Variants in URB1 observed in about 807,000 individuals in gnomAD.
URB1 encodes the protein URB1 ribosome biogenesis factor.
A neutral mutation model predicts 242.3 loss-of-function variants in URB1; 197 were observed. The ratio of observed to expected loss-of-function variants is 0.81; its 90% confidence interval spans 0.72 to 0.91. URB1 has a LOEUF of 0.91. Ranked by LOEUF, URB1 falls within the 40% of genes least tolerant of loss-of-function variation. URB1 has a pLI of 0.00. For missense variants in URB1, 2,721 were observed against 2,860.5 expected (o/e 0.95, Z 1.11); for synonymous variants, 1,153 against 1,201.8 (o/e 0.96, Z 0.84).
intron 24 of URB1, among the ~76,000 whole-genome samples, chr21:32,343,068 T>C (rs2033048470): frequency 6.6e-6 from 1 of 152,124 alleles, no homozygotes; most frequent in Admixed American, 6.5e-5. Context: ...GCATGCATAA[T>C]ATCCTATTAA....
Position 32,361,897 on chromosome 21 carries a change from T to A in URB1, c.1634A>T (p.Gln545Leu). Reference sequence around the variant, plus strand: ...CCTCACCCCTGAGACCTTACCGCACTGGTGAGCATCGCAGGCAGCCGGGGG... The same window carrying A: ...CCTCACCCCTGAGACCTTACCGCACAGGTGAGCATCGCAGGCAGCCGGGGG... ...DGPPAACDAHQCDDAETILLK... is the reference protein window; with the variant it reads ...DGPPAACDAHLCDDAETILLK... Residue 545 changes from glutamine (Q) to leucine (L), a missense_variant, in exon 12 of 39, where the codon CAG (glutamine) becomes CTG (leucine). Coordinates refer to ENST00000382751, the MANE Select transcript of URB1 (RefSeq NM_014825.3). The A allele has an allele frequency of 6.4e-7, 1 of 1,551,106 alleles. No individual in the cohort carries two copies. The highest frequency in any genetic ancestry group is 1.2e-5 in the South Asian group (1 of 84,034).
intron 19 of URB1, among the ~76,000 whole-genome samples, chr21:32,351,825 G>A (rs1475915745): frequency 6.6e-6 from 1 of 152,210 alleles, no homozygotes; most frequent in Non-Finnish European, 1.5e-5. Context: ...TGTGGGGGAA[G>A]GTGGCAACAT....
chr21:32,361,176 A>AAAGAAAGAAAGAAAGAAAGAAAG, intron 12 of URB1, 53 bp from the exon 13 acceptor site: 1 of 763,322 alleles, frequency 1.3e-6, no homozygotes, highest in East Asian at 2.9e-5. Flanking sequence ...AGAAAGAAAG[A>AAAGAAAGAAAGAAAGAAAGAAAG]AAGAAAGAAA....
In URB1 at chr21:32,347,443, C is replaced by A. The variant is rs1281911951; in HGVS notation, c.3381G>T (p.Leu1127Phe). 1.9e-6 allele frequency: 3 copies of A among 1,551,130 alleles called. No individual in the cohort carries two copies. Among genetic ancestry groups the A allele is most frequent in the Non-Finnish European group, 2.6e-6 (3 of 1,146,698 alleles). The stretch of plus-strand genomic sequence containing the variant: ...CCAGGTGTGTCTCAGGCAGGCTCAG[C>A]AAGGCCAGGGTGACCTCACGGAGCT... ...GAQLREVTLA[L>F]LSLPETHLVT... Residue 1127 changes from leucine to phenylalanine, a missense_variant, in exon 22 of 39, where the codon TTG (leucine) becomes TTT (phenylalanine). Transcript: ENST00000382751.
rs74514552 is a variant in URB1 at position 32,344,744 on chromosome 21, G to C, written c.4083C>G (p.Ala1361=). ...TPSSHKRWIV[A]DSISAALEGS... Reference sequence around the variant, plus strand: ...CTTCCAGAGCTGCTGAAATGGAGTCGGCCACGATCCACCTGCAGCAGGAGA... The same window carrying C: ...CTTCCAGAGCTGCTGAAATGGAGTCCGCCACGATCCACCTGCAGCAGGAGA... Residue 1361 remains alanine (A), a synonymous_variant, in exon 24 of 39, where the codon GCC becomes GCG. Transcript: ENST00000382751. 4 of 1,550,634 alleles carry C rather than the reference G, an allele frequency of 2.6e-6. No homozygotes were observed. Among genetic ancestry groups the C allele is most frequent in the African/African-American group, 2.7e-5 (2 of 72,948 alleles).
At chr21:32,338,249 A>T (rs1338253339) in intron 26 of URB1, among the ~76,000 whole-genome samples, 1 of 152,178 alleles carries the variant, frequency 6.6e-6, no homozygotes, top group Non-Finnish European at 1.5e-5. Context: ...TTAGGGATGG[A>T]GCCTAAACTT....
At chr21:32,365,256 G>A (rs1007116516) in intron 10 of URB1, among the ~76,000 whole-genome samples, 2 of 152,122 alleles carry the variant, frequency 1.3e-5, no homozygotes, top group Non-Finnish European at 2.9e-5. Flanking sequence ...ACCAGCCTGC[G>A]CAACATAGCA....
At chr21:32,347,969 C>G (rs908911303) in intron 21 of URB1, among the ~76,000 whole-genome samples, 158 bp from the exon 22 acceptor site, 2 of 152,230 alleles carry the variant, frequency 1.3e-5, no homozygotes, top group African/African-American at 2.4e-5. Context: ...CCATGCCCCC[C>G]TCGGGGTGCC....
In URB1 at chr21:32,384,455, T is replaced by C. The variant is rs1338429644; in HGVS notation, c.292A>G (p.Ile98Val). 2.6e-6 allele frequency: 4 copies of C among 1,550,888 alleles called. No individual in the cohort carries two copies. The Admixed American group carries it at 5.9e-5, about 23-fold the overall frequency. The part of the protein sequence containing the change: ...EKRPESETML[I>V]FQVFEAILLR... ...AATATGGCCTCGAAAACTTGAAATATTAACATCGTCTGCAAAGACAGAATT... is the reference window on the plus strand; with the variant it reads ...AATATGGCCTCGAAAACTTGAAATACTAACATCGTCTGCAAAGACAGAATT... The change falls in exon 3 of 39, where the codon ATA (isoleucine) becomes GTA (valine). Residue 98 changes from isoleucine to valine, a missense_variant. Ile to Val is a conservative substitution (Grantham distance 29). Transcript: ENST00000382751.
intron 30 of URB1, among the ~76,000 whole-genome samples, chr21:32,328,200 C>T (rs868062803): frequency 3.6e-4 from 55 of 152,204 alleles, no homozygotes; most frequent in African/African-American, 1.2e-3. Flanking sequence ...TGCAGTGGCA[C>T]AATCTTGGCT....
In URB1 at chr21:32,314,738, C is replaced by A. The variant is rs1343210735; in HGVS notation, c.*180G>T. 3 of 1,476,688 alleles carry A rather than the reference C, an allele frequency of 2.0e-6. No individual in the cohort carries two copies. The highest frequency in any genetic ancestry group is 1.4e-5 in the African/African-American group (1 of 71,978). 91.5% of individuals were successfully genotyped at this position (1,476,688 alleles called of 1,614,324 possible). On this transcript the variant is annotated 3_prime_UTR_variant, in exon 39 of 39. Coordinates refer to ENST00000382751, the MANE Select transcript of URB1 (RefSeq NM_014825.3). Reference sequence around the variant, plus strand: ...TGGGCACCTACAGGCCCGAGTTTATCATTTACTGGGCAGTTCAATAAAGTC... The same window carrying A: ...TGGGCACCTACAGGCCCGAGTTTATAATTTACTGGGCAGTTCAATAAAGTC...
intron 4 of URB1, among the ~76,000 whole-genome samples, chr21:32,381,336 A>G (rs1458615694): frequency 6.6e-6 from 1 of 152,160 alleles, no homozygotes; most frequent in African/African-American, 2.4e-5. Context: ...GATTTTAACA[A>G]TGCTTTCTTT....
At chr21:32,360,539 T>C (rs2033271291) in intron 13 of URB1, among the ~76,000 whole-genome samples, 1 of 152,230 alleles carries the variant, frequency 6.6e-6, no homozygotes, top group Admixed American at 6.5e-5. Flanking sequence ...AGACAAACTT[T>C]ACCATCCAGG....
At chr21:32,366,588 T>A in intron 10 of URB1, 30 bp downstream of exon 10, 1 of 1,550,422 alleles carries the variant, frequency 6.4e-7, no homozygotes, top group South Asian at 1.2e-5. Flanking sequence ...TGGAGGCAGT[T>A]CCAGAAGTGG....
intron 34 of URB1, among the ~76,000 whole-genome samples, chr21:32,321,513 C>T (rs2032765579): frequency 1.3e-5 from 2 of 152,156 alleles, no homozygotes; most frequent in Admixed American, 6.5e-5. Flanking sequence ...TGATGGCCTT[C>T]GTATATGCCA....
Position 32,363,206 on chromosome 21 carries a change from C to T in URB1, c.1459G>A (p.Ala487Thr), listed in dbSNP as rs2033308525. 6.4e-7 allele frequency: 1 copy of T among 1,552,120 alleles called. No homozygotes were observed. Among genetic ancestry groups the T allele is most frequent in the African/African-American group, 1.4e-5 (1 of 73,178 alleles). ...EVWQESGVYTAVMMEEFVQLF... is the reference protein window; with the variant it reads ...EVWQESGVYTTVMMEEFVQLF... Reference sequence around the variant, plus strand: ...TGCACGAATTCTTCCATCATCACAGCTGTGTACACGCCTGATTCCTGCCAC... The same window carrying T: ...TGCACGAATTCTTCCATCATCACAGTTGTGTACACGCCTGATTCCTGCCAC... The change falls in exon 11 of 39, where the codon GCT (alanine) becomes ACT (threonine). Residue 487 changes from alanine (A) to threonine (T), a missense_variant. By Grantham distance (58) the Ala-to-Thr change is moderately conservative. Transcript: ENST00000382751.
Position 32,314,334 on chromosome 21 carries a change from G to A in URB1, c.*584C>T, listed in dbSNP as rs757189116. ...CGAGTAGCTGGAATTACAGGTGTGC[G>A]CTACCATGCCTGGCTAATTTTTGTA... On this transcript the variant is annotated 3_prime_UTR_variant, in exon 39 of 39. Coordinates refer to ENST00000382751, the MANE Select transcript of URB1 (RefSeq NM_014825.3). 35 of 458,888 alleles carry A rather than the reference G, an allele frequency of 7.6e-5. 1 individual carries two copies. Among genetic ancestry groups the A allele is most frequent in the Middle Eastern group, 6.6e-4 (1 of 1,506 alleles). 28.4% of individuals were successfully genotyped at this position (458,888 alleles called of 1,614,324 possible).
At chr21:32,372,713 T>A in intron 7 of URB1, 82 bp from the exon 8 acceptor site, 2 of 1,411,958 alleles carry the variant, frequency 1.4e-6, no homozygotes, top group African/African-American at 2.9e-5. Context: ...AAGGACAATA[T>A]TAACTGCCGA....
intron 38 of URB1, 74 bp from the exon 39 acceptor site, chr21:32,315,173 T>G: frequency 7.2e-7 from 1 of 1,398,294 alleles, no homozygotes; most frequent in Non-Finnish European, 9.4e-7. Flanking sequence ...CTGCCCACAA[T>G]GCAACGGCTT....
Sources: gnomAD v4.1 joint callset for allele counts (sites outside exome capture counted in the v4.1 genomes callset) on GRCh38, gnomAD v4.1.1 for gene constraint, MANE v1.5 for transcripts, NCBI Gene and HGNC (gene_info 2026-07-23, HGNC 2026-07-21) for gene names.